CHMP5: variants seen among roughly 807,000 people sequenced by gnomAD.
The protein encoded by CHMP5 is charged multivesicular body protein 5, also known as SNF7 domain containing 2.
A neutral mutation model predicts 33.0 loss-of-function variants in CHMP5; 17 were observed. The ratio of observed to expected loss-of-function variants is 0.52; its 90% CI spans 0.35 to 0.77. CHMP5 has a LOEUF of 0.77. Ranked by LOEUF, CHMP5 falls within the 30% of genes least tolerant of loss-of-function variation. CHMP5 has a pLI of 0.01. For synonymous variants in CHMP5, 76 were observed against 90.2 expected, an observed-to-expected ratio of 0.84 and a Z score of 0.89; for missense variants, 216 against 261.5, an observed-to-expected ratio of 0.83 and a Z score of 1.20.
intron 5 of CHMP5, 132 bp from the exon 6 acceptor site, chr9:33,276,324 G>T: frequency 1.7e-6 from 1 of 588,198 alleles, no homozygotes; most frequent in Non-Finnish European, 3.0e-6. Context: ...AACTGTTTAT[G>T]TGCTTGGCAT....
chr9:33,270,715 C>T lies in CHMP5; in HGVS notation c.314C>T (p.Thr105Met), dbSNP rs759565468. 3 of 1,600,772 alleles carry T rather than the reference C, an allele frequency of 1.9e-6. No homozygotes were observed. Among genetic ancestry groups the T allele is most frequent in the South Asian group, 2.2e-5 (2 of 90,542 alleles). The change falls in exon 4 of 8, where the codon ACG (threonine) becomes ATG (methionine). Residue 105 changes from threonine (T) to methionine (M), a missense_variant and splice_region_variant. Thr to Met is a moderately conservative substitution (Grantham distance 81). Coordinates refer to ENST00000223500, the MANE Select transcript of CHMP5 (RefSeq NM_016410.6). ...CAGTCTTTGAAGGACACCAAGACCA[C>T]GGTACTCCCAAAACACCTTTTCCTG... ...TIQSLKDTKT[T>M]VDAMKLGVKE...
Position 33,280,276 on chromosome 9 carries a change from CTGT to C in CHMP5, c.610-525_610-523del, listed in dbSNP as rs1419862525. Among the ~76,000 whole-genome samples the C allele has an allele frequency of 5.3e-5, 8 of 152,310 alleles. No individual in the cohort carries two copies. The South Asian group carries it at 1.7e-3, about 32-fold the overall frequency. The stretch of plus-strand genomic sequence containing the variant: ...ACAGGCCTGAGCCACCGCGCCCGGC[CTGT>C]TGTTGTTTTTAAAGTAAAGGAATAA... On this transcript the variant is annotated intron_variant, in intron 7 of 7. Transcript: ENST00000223500.
At chr9:33,269,179 G>C (rs16919131) in intron 3 of CHMP5, among the ~76,000 whole-genome samples, 1,854 of 152,288 alleles carry the variant, frequency 0.012, 42 homozygotes, top group African/African-American at 0.039. Flanking sequence ...CATTAGGTCA[G>C]ATGGATTACC....
chr9:33,271,017 G>A (rs1587797894), intron 4 of CHMP5, 135 bp from the exon 5 acceptor site: 1 of 692,010 alleles, frequency 1.4e-6, no homozygotes, highest in South Asian at 1.8e-5. Context: ...AGGAGGCGGA[G>A]GTTGCAGTGA....
At chr9:33,271,311 G>C in intron 5 of CHMP5, 88 bp downstream of exon 5, 1 of 1,061,232 alleles carries the variant, frequency 9.4e-7, no homozygotes, top group Non-Finnish European at 1.5e-6. Context: ...GAGCACAGGA[G>C]AGGAACTGAA....
chr9:33,270,773 C>T lies in CHMP5; in HGVS notation c.315+57C>T, dbSNP rs112452603. On this transcript the variant is annotated intron_variant, in intron 4 of 7. Coordinates refer to ENST00000223500, the MANE Select transcript of CHMP5 (RefSeq NM_016410.6). ...ATGTATTTATTCTTATTCTCTTTTC[C>T]GATGGCTTTTTAAAGACAGTTTAAC... is the stretch of plus-strand genomic sequence containing the variant. 4.0e-5 allele frequency: 56 copies of T among 1,414,806 alleles called. 1 individual carries two copies. The highest frequency in any genetic ancestry group is 3.9e-4 in the South Asian group (34 of 86,538). 87.6% of individuals were successfully genotyped at this position (1,414,806 alleles called of 1,614,324 possible).
chr9:33,276,070 C>A (rs1820850749), intron 5 of CHMP5, among the ~76,000 whole-genome samples: 1 of 152,090 alleles, frequency 6.6e-6, no homozygotes, highest in South Asian at 2.1e-4. Context: ...TCTTTAAGTT[C>A]ACATTTTGCC....
At chr9:33,267,667 A>G (rs1820742888) in intron 2 of CHMP5, among the ~76,000 whole-genome samples, 186 bp from the exon 3 acceptor site, 1 of 152,190 alleles carries the variant, frequency 6.6e-6, no homozygotes, top group Non-Finnish European at 1.5e-5. Context: ...GATAGGAGCA[A>G]AGGCTTAAAG....
intron 6 of CHMP5, chr9:33,277,837 A>T (rs916089004): frequency 3.5e-6 from 1 of 281,740 alleles, no homozygotes; most frequent in Non-Finnish European, 6.8e-6. Flanking sequence ...AGAACCTTTC[A>T]TTTTTTTTCC....
At chr9:33,274,744 T>C (rs1192412057) in intron 5 of CHMP5, among the ~76,000 whole-genome samples, 1 of 152,134 alleles carries the variant, frequency 6.6e-6, no homozygotes, top group Non-Finnish European at 1.5e-5. Context: ...GCCTCCCGGG[T>C]AGCTGGGATT....
intron 2 of CHMP5, among the ~76,000 whole-genome samples, 194 bp from the exon 3 acceptor site, chr9:33,267,659 T>C (rs114497960): frequency 0.01 from 1,550 of 152,146 alleles, 25 homozygotes; most frequent in African/African-American, 0.036. Flanking sequence ...CAAAGACAGA[T>C]AGGAGCAAAG....
chr9:33,279,677 C>G (rs190003380), intron 7 of CHMP5, among the ~76,000 whole-genome samples: 1 of 151,900 alleles, frequency 6.6e-6, no homozygotes. Flanking sequence ...TCCTGGCCAA[C>G]ATGGTGAAAC....
intron 5 of CHMP5, among the ~76,000 whole-genome samples, chr9:33,272,364 T>C (rs995033676): frequency 1.5e-5 from 2 of 135,952 alleles, no homozygotes; most frequent in Non-Finnish European, 1.5e-5. Flanking sequence ...TGCTGGTTGA[T>C]GAATCAGAGG....
At chr9:33,279,485 G>A (rs567372959) in intron 7 of CHMP5, among the ~76,000 whole-genome samples, 1 of 152,116 alleles carries the variant, frequency 6.6e-6, no homozygotes, top group African/African-American at 2.4e-5. Flanking sequence ...AAGGTCCCAG[G>A]TCCATGGGTT....
At chr9:33,280,385 T>C (rs1265861404) in intron 7 of CHMP5, among the ~76,000 whole-genome samples, 1 of 152,358 alleles carries the variant, frequency 6.6e-6, no homozygotes, top group East Asian at 1.9e-4. Flanking sequence ...TAGTAAAGCA[T>C]GATATGGAAG....
chr9:33,273,003 C>T (rs1587798648), intron 5 of CHMP5, among the ~76,000 whole-genome samples: 1 of 152,106 alleles, frequency 6.6e-6, no homozygotes, highest in East Asian at 1.9e-4. Context: ...GACAGAGTCT[C>T]GTTCTGTCAC....
Position 33,278,199 on chromosome 9 carries a change from G to A in CHMP5, c.583G>A (p.Gly195Ser), listed in dbSNP as rs1378424334. 6.2e-7 allele frequency: 1 copy of A among 1,611,502 alleles called. No homozygotes were observed. The highest frequency in any genetic ancestry group is 8.5e-7 in the Non-Finnish European group (1 of 1,178,278). The change falls in exon 7 of 8, where the codon GGT becomes AGT. Residue 195 changes from glycine (G) to serine (S), a missense_variant. Physicochemically the swap from Gly to Ser is moderately conservative, Grantham distance 56. Transcript: ENST00000223500. ...AGCATCTGCACCTGCAATTCCAGAA[G>A]GTGTTCCCACTGATACAAAAAACAA... is the stretch of plus-strand genomic sequence containing the variant. ...EAASAPAIPEGVPTDTKNKDG... is the reference protein window; with the variant it reads ...EAASAPAIPESVPTDTKNKDG...
At chr9:33,271,993 G>A (rs1246863147) in intron 5 of CHMP5, among the ~76,000 whole-genome samples, 1 of 152,108 alleles carries the variant, frequency 6.6e-6, no homozygotes, top group Non-Finnish European at 1.5e-5. Flanking sequence ...CTCCTGGCGT[G>A]GTAGACTTGG....
At chr9:33,278,508 T>C (rs992080362) in intron 7 of CHMP5, among the ~76,000 whole-genome samples, 1 of 152,252 alleles carries the variant, frequency 6.6e-6, no homozygotes, top group African/African-American at 2.4e-5. Context: ...TTGATGGGTC[T>C]TAGACATTTC....
Sources: allele counts gnomAD v4.1 joint callset (sites outside exome capture counted in the v4.1 genomes callset), GRCh38; gene constraint gnomAD v4.1.1; transcripts MANE v1.5; gene names NCBI Gene and HGNC (gene_info 2026-07-23, HGNC 2026-07-21).